The following DOCK2 variants were observed in gnomAD, a reference collection of about 807,000 sequenced individuals.
The protein encoded by DOCK2 is dedicator of cytokinesis protein 2.
Under a neutral mutation model 248.9 loss-of-function variants are expected in DOCK2, and 87 were observed. The ratio of observed to expected loss-of-function variants is 0.35; its 90% confidence interval spans 0.29 to 0.42. The LOEUF is 0.42. DOCK2 is among the 10% of genes least tolerant of loss of function. DOCK2 has a pLI of 1.00. For missense variants in DOCK2, 1,747 were observed against 2,300.2 expected (o/e 0.76, Z 4.92); for synonymous variants, 805 against 821.6 (o/e 0.98, Z 0.35).
At chr5:169,877,734 G>A (rs574817245) in intron 27 of DOCK2, among the ~76,000 whole-genome samples, 67 of 152,190 alleles carry the variant, frequency 4.4e-4, no homozygotes, top group Non-Finnish European at 8.7e-4. Flanking sequence ...TAAAGTCCAT[G>A]AGTGCAGTTG....
chr5:169,883,832 A>G (rs1772815482), intron 27 of DOCK2: 1 of 1,547,254 alleles, frequency 6.5e-7, no homozygotes, highest in Non-Finnish European at 8.7e-7. Context: ...TGTTTCACAA[A>G]CTCCACTGAT....
intron 27 of DOCK2, among the ~76,000 whole-genome samples, chr5:169,908,367 A>G (rs963576855): frequency 3.3e-5 from 5 of 152,158 alleles, no homozygotes; most frequent in Non-Finnish European, 5.9e-5. Context: ...TCACATGCAT[A>G]TAGGCATACT....
intron 50 of DOCK2, 56 bp from the exon 51 acceptor site, chr5:170,081,786 A>C (rs1421987821): frequency 4.7e-6 from 7 of 1,475,290 alleles, no homozygotes; most frequent in Middle Eastern, 2.5e-4. Flanking sequence ...ACCTCCCCCA[A>C]GGCACTGCCC....
intron 2 of DOCK2, among the ~76,000 whole-genome samples, chr5:169,655,470 GCGGT>G: frequency 6.6e-6 from 1 of 152,200 alleles, no homozygotes; most frequent in Non-Finnish European, 1.5e-5. Flanking sequence ...ATGGGGAAAG[GCGGT>G]CACCTGCAGG....
chr5:169,720,411 T>A (rs1762132911), intron 22 of DOCK2, among the ~76,000 whole-genome samples: 1 of 152,192 alleles, frequency 6.6e-6, no homozygotes, highest in African/African-American at 2.4e-5. Flanking sequence ...TTTATTTTAT[T>A]GCTTCTCCTC....
intron 1 of DOCK2, among the ~76,000 whole-genome samples, chr5:169,639,461 T>C (rs1757028956): frequency 6.6e-6 from 1 of 152,210 alleles, no homozygotes. Flanking sequence ...TTTATTTCTG[T>C]CTCTCATGGA....
chr5:169,754,801 C>T (rs1764102787), intron 23 of DOCK2, among the ~76,000 whole-genome samples: 1 of 152,104 alleles, frequency 6.6e-6, no homozygotes, highest in South Asian at 2.1e-4. Flanking sequence ...CCATAGTTTT[C>T]ACATTGGTAA....
intron 29 of DOCK2, among the ~76,000 whole-genome samples, chr5:169,993,543 A>G (rs1474532461): frequency 1.1e-5 from 1 of 91,810 alleles, no homozygotes; most frequent in Non-Finnish European, 2.3e-5. Context: ...CAGAAATCAC[A>G]TCCATTTGTG....
At chr5:169,982,056 A>T (rs533901963) in intron 27 of DOCK2, among the ~76,000 whole-genome samples, 1 of 148,548 alleles carries the variant, frequency 6.7e-6, no homozygotes, top group South Asian at 2.1e-4. Flanking sequence ...GCAGCAGTTT[A>T]TGGTAAAAAT....
rs1400900549 is a variant in DOCK2, at chr5:170,008,219, CAACAACAA to C, written c.3073-275_3073-268del. On this transcript the variant is annotated intron_variant, in intron 30 of 51. Transcript: ENST00000520908. ...AAAACAACAACAACAACAACAACAA[CAACAACAA>C]AAAAAAAAAAACCTAAAATTCTCCT... is the stretch of plus-strand genomic sequence containing the variant. Among the ~76,000 whole-genome samples the C allele has an allele frequency of 7.8e-4, 33 of 42,064 alleles. 1 individual carries two copies. The highest frequency in any genetic ancestry group is 3.7e-3 in the African/African-American group (32 of 8,600). The allele number at this position is 42,064 out of a possible 152,430, so 27.6% of individuals were successfully genotyped here.
chr5:169,915,742 C>T (rs1036784472), intron 27 of DOCK2, among the ~76,000 whole-genome samples: 4 of 152,138 alleles, frequency 2.6e-5, no homozygotes, highest in Middle Eastern at 3.2e-3. Context: ...TTTAAACCAT[C>T]AAGGGCCAAT....
At chr5:169,848,359 G>T (rs113024261) in intron 27 of DOCK2, among the ~76,000 whole-genome samples, 1 of 152,212 alleles carries the variant, frequency 6.6e-6, no homozygotes, top group Non-Finnish European at 1.5e-5. Context: ...ACCAGAGTGC[G>T]TATGTCTCCA....
intron 22 of DOCK2, among the ~76,000 whole-genome samples, chr5:169,731,591 C>T (rs757663472): frequency 3.9e-5 from 6 of 152,140 alleles, no homozygotes; most frequent in Non-Finnish European, 5.9e-5. Flanking sequence ...ACCCTTATTC[C>T]TCAAAGTAAC....
intron 27 of DOCK2, among the ~76,000 whole-genome samples, chr5:169,981,520 A>T (rs1408141697): frequency 1.3e-5 from 2 of 152,102 alleles, no homozygotes; most frequent in Admixed American, 1.3e-4. Context: ...TTTTTTCATT[A>T]TTATTATACC....
At chr5:169,874,849 G>A (rs1772221094) in intron 27 of DOCK2, among the ~76,000 whole-genome samples, 1 of 151,560 alleles carries the variant, frequency 6.6e-6, no homozygotes, top group South Asian at 2.1e-4. Context: ...CTGGGCCCCA[G>A]AAAGGCCTGA....
chr5:169,796,464 G>A (rs1469014885), intron 25 of DOCK2, among the ~76,000 whole-genome samples: 4 of 152,244 alleles, frequency 2.6e-5, no homozygotes, highest in East Asian at 3.9e-4. Flanking sequence ...GAGTGCATGT[G>A]GATTGGTGTA....
intron 33 of DOCK2, among the ~76,000 whole-genome samples, chr5:170,023,510 T>G (rs529818439): frequency 6.6e-6 from 1 of 152,288 alleles, no homozygotes; most frequent in Non-Finnish European, 1.5e-5. Context: ...TGTGGGTAAG[T>G]TATTTAACCT....
chr5:170,057,307 A>G, intron 43 of DOCK2: 1 of 501,200 alleles, frequency 2.0e-6, no homozygotes, highest in Non-Finnish European at 3.6e-6. Flanking sequence ...ACAAATGGAC[A>G]CATTCAATAT....
intron 27 of DOCK2, among the ~76,000 whole-genome samples, chr5:169,848,570 T>C (rs1561760823): frequency 1.3e-5 from 2 of 152,212 alleles, no homozygotes; most frequent in South Asian, 2.1e-4. Flanking sequence ...AACAATCCCA[T>C]AGGGAGAATC....
Sources: gnomAD v4.1 joint callset for allele counts (sites outside exome capture counted in the v4.1 genomes callset) on GRCh38, gnomAD v4.1.1 for gene constraint, MANE v1.5 for transcripts, NCBI Gene and HGNC (gene_info 2026-07-23, HGNC 2026-07-21) for gene names.